The following LRRC4C variants were observed in gnomAD, a reference collection of about 807,000 sequenced individuals.
LRRC4C encodes leucine rich repeat containing 4C.
A neutral mutation model predicts 33.6 loss-of-function variants in LRRC4C; 5 were observed. The ratio of observed to expected loss-of-function variants is 0.15; its 90% CI spans 0.08 to 0.31. LRRC4C has a LOEUF of 0.31. LRRC4C is among the 10% of genes least tolerant of loss of function. The pLI, the probability that LRRC4C is intolerant of heterozygous loss-of-function variation, is 1.00. For synonymous variants in LRRC4C, 329 were observed against 302.0 expected (o/e 1.09, Z -0.93); for missense variants, 560 against 796.7 (o/e 0.70, Z 3.58).
chr11:40,370,345 A>G (rs191703697), intron 3 of LRRC4C, among the ~76,000 whole-genome samples: 1 of 152,338 alleles, frequency 6.6e-6, no homozygotes, highest in African/African-American at 2.4e-5. Context: ...CGACTGCTGC[A>G]TATGGTACAG....
intron 1 of LRRC4C, among the ~76,000 whole-genome samples, chr11:41,187,050 T>C (rs753246782): frequency 1.3e-5 from 2 of 152,168 alleles, no homozygotes; most frequent in Non-Finnish European, 2.9e-5. Flanking sequence ...TTAATTAAGC[T>C]CCCTGATTAT....
At chr11:41,336,931 T>G (rs1951474995) in intron 1 of LRRC4C, among the ~76,000 whole-genome samples, 1 of 151,848 alleles carries the variant, frequency 6.6e-6, no homozygotes, top group African/African-American at 2.4e-5. Flanking sequence ...AACAGAGGCA[T>G]GGAATGAACA....
chr11:40,462,793 C>T (rs1952462752), intron 3 of LRRC4C, among the ~76,000 whole-genome samples: 1 of 152,026 alleles, frequency 6.6e-6, no homozygotes, highest in Non-Finnish European at 1.5e-5. Flanking sequence ...TTCAATGGAA[C>T]CAAAGAGCAG....
At chr11:41,375,107 A>G (rs571010459) in intron 1 of LRRC4C, among the ~76,000 whole-genome samples, 1 of 152,296 alleles carries the variant, frequency 6.6e-6, no homozygotes, top group South Asian at 2.1e-4. Flanking sequence ...AGCCTGGGTG[A>G]TGGGAGTGAG....
intron 3 of LRRC4C, among the ~76,000 whole-genome samples, chr11:40,412,069 G>C (rs1382498886): frequency 6.6e-6 from 1 of 151,786 alleles, no homozygotes; most frequent in East Asian, 1.9e-4. Flanking sequence ...AAGACTAATA[G>C]TAAAAACTCT....
intron 1 of LRRC4C, among the ~76,000 whole-genome samples, chr11:41,442,441 CTCTT>C (rs1269460034): frequency 2.2e-5 from 3 of 136,956 alleles, no homozygotes; most frequent in Non-Finnish European, 4.8e-5. Context: ...ACAGTTCTCT[CTCTT>C]TGTTGCTTTT....
At chr11:40,587,824 G>A (rs909007611) in intron 3 of LRRC4C, among the ~76,000 whole-genome samples, 11 of 152,166 alleles carry the variant, frequency 7.2e-5, no homozygotes, top group Admixed American at 3.9e-4. Flanking sequence ...CAGGGATAAA[G>A]CCCACTTGAT....
At chr11:41,081,521 CCTT>C (rs1939568152) in intron 1 of LRRC4C, among the ~76,000 whole-genome samples, 1 of 152,054 alleles carries the variant, frequency 6.6e-6, no homozygotes, top group Admixed American at 6.5e-5. Flanking sequence ...AAACTTCTCT[CCTT>C]CTCTTTCAGC....
In LRRC4C at chr11:40,713,632, A is replaced by T. The variant is rs185098981; in HGVS notation, c.-406-65354T>A. ...GTAAATAATTCTTTACAGAGAAGTCAGGCTATAATAGAGTATTTTAAAATG... is the reference window on the plus strand; with the variant it reads ...GTAAATAATTCTTTACAGAGAAGTCTGGCTATAATAGAGTATTTTAAAATG... On this transcript the variant is annotated intron_variant, in intron 2 of 6. Transcript: ENST00000528697. Among the ~76,000 whole-genome samples the T allele has an allele frequency of 1.5e-3, 232 of 152,344 alleles. 1 individual carries two copies. Among genetic ancestry groups the T allele is most frequent in the African/African-American group, 5.4e-3 (226 of 41,584 alleles).
intron 4 of LRRC4C, among the ~76,000 whole-genome samples, chr11:40,318,278 T>G (rs1395313491): frequency 6.6e-6 from 1 of 152,144 alleles, no homozygotes. Flanking sequence ...TTTATTATTA[T>G]TATTATTATT....
chr11:41,245,597 C>T (rs542071921), intron 1 of LRRC4C, among the ~76,000 whole-genome samples: 1 of 152,350 alleles, frequency 6.6e-6, no homozygotes, highest in Admixed American at 6.5e-5. Flanking sequence ...TGTCACAGCC[C>T]TGACTCAGGG....
In LRRC4C at chr11:40,686,507, G is replaced by A. The variant is rs532739033; in HGVS notation, c.-406-38229C>T. ...TAACTTCACCGGGGGCGGCCCAGAC[G>A]TTGAGTATACTGTGAAATTTTCTCA... On this transcript the variant is annotated intron_variant, in intron 2 of 6. Transcript: ENST00000528697. Among the ~76,000 whole-genome samples, 22 of 151,988 alleles carry A rather than the reference G, an allele frequency of 1.4e-4. No individual in the cohort carries two copies. The East Asian group carries it at 2.5e-3, about 18-fold the overall frequency.
chr11:40,768,729 GA>G (rs530028790), intron 2 of LRRC4C, among the ~76,000 whole-genome samples: 1 of 151,794 alleles, frequency 6.6e-6, no homozygotes, highest in African/African-American at 2.4e-5. Flanking sequence ...CAGAAAGAAG[GA>G]AAAAAACATA....
chr11:41,052,598 C>T (rs1366770924), intron 1 of LRRC4C, among the ~76,000 whole-genome samples: 1 of 151,374 alleles, frequency 6.6e-6, no homozygotes, highest in Non-Finnish European at 1.5e-5. Flanking sequence ...AGTTATATAT[C>T]TTAATTTATT....
At chr11:41,292,132 CT>C (rs1321892587) in intron 1 of LRRC4C, among the ~76,000 whole-genome samples, 2 of 152,122 alleles carry the variant, frequency 1.3e-5, no homozygotes, top group Admixed American at 1.3e-4. Flanking sequence ...CTTGTCTCGC[CT>C]TTCATAGTGG....
chr11:40,907,764 CA>C (rs1024541201), intron 2 of LRRC4C, among the ~76,000 whole-genome samples: 1 of 152,162 alleles, frequency 6.6e-6, no homozygotes. Context: ...CAATTTTTCT[CA>C]AAAATTTTAA....
intron 1 of LRRC4C, among the ~76,000 whole-genome samples, chr11:41,323,312 A>T (rs1447227065): frequency 3.3e-5 from 5 of 152,168 alleles, no homozygotes; most frequent in Non-Finnish European, 7.3e-5. Context: ...TGCCTTTCAG[A>T]TTGCTGTTCT....
At chr11:41,233,431 C>T (rs1947886675) in intron 1 of LRRC4C, among the ~76,000 whole-genome samples, 1 of 151,860 alleles carries the variant, frequency 6.6e-6, no homozygotes, top group South Asian at 2.1e-4. Flanking sequence ...GTCATAAAAA[C>T]TCTGCAATAA....
intron 1 of LRRC4C, among the ~76,000 whole-genome samples, chr11:41,140,340 C>T (rs1022131182): frequency 2.2e-5 from 3 of 135,664 alleles, no homozygotes; most frequent in African/African-American, 5.4e-5. Context: ...TGCCTCTTTG[C>T]TTCCTTATGA....
Sources: gnomAD v4.1 joint callset for allele counts (sites outside exome capture counted in the v4.1 genomes callset) on GRCh38, gnomAD v4.1.1 for gene constraint, MANE v1.5 for transcripts, NCBI Gene and HGNC (gene_info 2026-07-23, HGNC 2026-07-21) for gene names.